Variants in PHF24 observed in about 807,000 individuals in gnomAD.
PHF24 encodes Galpha inhibitory interacting protein.
Under a neutral mutation model 42.6 loss-of-function variants are expected in PHF24, and 25 were observed. That is an observed-to-expected ratio of 0.59 (90% CI 0.43 to 0.82). PHF24 has a LOEUF of 0.82. PHF24 is among the 40% of genes least tolerant of loss of function. The pLI, the probability that PHF24 is intolerant of heterozygous loss-of-function variation, is 0.00. For synonymous variants in PHF24, 185 were observed against 204.8 expected (o/e 0.90, Z 0.83); for missense variants, 470 against 538.1 (o/e 0.87, Z 1.25).
chr9:34,735,221 C>T, the PHF24 span, among the ~76,000 whole-genome samples: 12 of 150,252 alleles, frequency 8.0e-5, no homozygotes, highest in South Asian at 2.1e-4. Context: ...CTGCAACCTC[C>T]GCCTCCTGGG....
the PHF24 span, among the ~76,000 whole-genome samples, chr9:34,838,098 C>T: frequency 6.6e-6 from 1 of 152,288 alleles, no homozygotes; most frequent in Non-Finnish European, 1.5e-5. Context: ...AGATAGATCC[C>T]ATATCATCTA....
chr9:34,738,406 G>A, the PHF24 span, among the ~76,000 whole-genome samples: 3 of 152,016 alleles, frequency 2.0e-5, no homozygotes, highest in African/African-American at 7.2e-5. Context: ...GCTGGAGTGC[G>A]GTGGTGCAAT....
the PHF24 span, chr9:34,723,737 C>T: frequency 2.6e-6 from 4 of 1,551,724 alleles, no homozygotes; most frequent in Non-Finnish European, 3.5e-6. Flanking sequence ...GAAAGGCTGA[C>T]CCTGTGAAGC....
exon 8 of PHF24, chr9:34,978,889 T>G (rs1484296529): frequency 1.3e-5 from 2 of 152,120 alleles, no homozygotes; most frequent in African/African-American, 2.4e-5. Flanking sequence ...TCCAAAAGTC[T>G]TTAGCAGGGT....
chr9:34,678,171 C>G, the PHF24 span: 1 of 152,480 alleles, frequency 6.6e-6, no homozygotes, highest in East Asian at 1.9e-4. Context: ...GTTTCCTGCC[C>G]TTGAATGTTG....
At chr9:34,910,245 T>C in the PHF24 span, among the ~76,000 whole-genome samples, 1 of 152,224 alleles carries the variant, frequency 6.6e-6, no homozygotes, top group South Asian at 2.1e-4. Flanking sequence ...TCTTTTTTTT[T>C]GGCTCACCAC....
the PHF24 span, chr9:34,922,260 A>G: frequency 1.3e-6 from 2 of 1,592,134 alleles, no homozygotes; most frequent in Non-Finnish European, 1.7e-6. Context: ...GTTGTCTCTC[A>G]GTAATTGCAT....
the PHF24 span, among the ~76,000 whole-genome samples, chr9:34,768,545 A>G: frequency 6.6e-6 from 1 of 152,208 alleles, no homozygotes; most frequent in Non-Finnish European, 1.5e-5. Flanking sequence ...CAATAGTAAT[A>G]TCAACTTCAC....
At chr9:34,976,684 T>C in exon 5 of PHF24, 1 of 1,613,998 alleles carries the variant, frequency 6.2e-7, no homozygotes, top group Non-Finnish European at 8.5e-7. Context: ...CCACATAGAG[T>C]GGCCTGACTT....
chr9:34,900,611 A>G, the PHF24 span, among the ~76,000 whole-genome samples: 1 of 152,168 alleles, frequency 6.6e-6, no homozygotes, highest in South Asian at 2.1e-4. Flanking sequence ...TAACAATAAT[A>G]ATGTGAAAAT....
the PHF24 span, among the ~76,000 whole-genome samples, chr9:34,745,664 C>T: frequency 6.8e-6 from 1 of 146,238 alleles, no homozygotes; most frequent in African/African-American, 2.5e-5. Context: ...TATATTTTTC[C>T]ATTTCCCATT....
chr9:34,802,883 A>G, the PHF24 span, among the ~76,000 whole-genome samples: 1 of 152,048 alleles, frequency 6.6e-6, no homozygotes, highest in African/African-American at 2.4e-5. Flanking sequence ...TCATCTAGAA[A>G]TTCTCCTTCC....
the PHF24 span, chr9:34,837,477 T>TAGAG: frequency 1.8e-6 from 1 of 569,966 alleles, no homozygotes; most frequent in Non-Finnish European, 3.2e-6. Context: ...GGGAATAATG[T>TAGAG]AGAGAATTTT....
At chr9:34,903,324 C>T in the PHF24 span, among the ~76,000 whole-genome samples, 1 of 151,972 alleles carries the variant, frequency 6.6e-6, no homozygotes, top group Non-Finnish European at 1.5e-5. Flanking sequence ...AGATAGGAGC[C>T]CGGGTGGCCA....
chr9:34,715,524 G>T, the PHF24 span, among the ~76,000 whole-genome samples: 1 of 152,120 alleles, frequency 6.6e-6, no homozygotes, highest in Admixed American at 6.6e-5. Context: ...GACTCAGATG[G>T]CTGCACATCC....
the PHF24 span, among the ~76,000 whole-genome samples, chr9:34,797,942 G>C: frequency 6.6e-6 from 1 of 152,002 alleles, no homozygotes; most frequent in African/African-American, 2.4e-5. Flanking sequence ...CTTCCCTTTC[G>C]TATCAGTATG....
chr9:34,718,225 TG>T, the PHF24 span, among the ~76,000 whole-genome samples: 2 of 152,108 alleles, frequency 1.3e-5, no homozygotes, highest in Admixed American at 1.3e-4. Flanking sequence ...AGCCACTAGC[TG>T]AGTGTTTATA....
the PHF24 span, among the ~76,000 whole-genome samples, chr9:34,896,910 C>T: frequency 6.6e-6 from 1 of 152,112 alleles, no homozygotes; most frequent in African/African-American, 2.4e-5. Context: ...AATCCCAGCA[C>T]TTTGGGAAGC....
At chr9:34,764,981 T>C in the PHF24 span, among the ~76,000 whole-genome samples, 2 of 152,126 alleles carry the variant, frequency 1.3e-5, no homozygotes, top group African/African-American at 4.8e-5. Flanking sequence ...CAGGAGCAGG[T>C]TGTTCAGTTT....
Sources: gnomAD v4.1 joint callset for allele counts (sites outside exome capture counted in the v4.1 genomes callset) on GRCh38, gnomAD v4.1.1 for gene constraint, MANE v1.5 for transcripts, NCBI Gene and HGNC (gene_info 2026-07-23, HGNC 2026-07-21) for gene names.